The following FYB1 variants were observed in gnomAD, a reference collection of about 807,000 sequenced individuals.
FYB1 encodes FYN binding protein 1.
A neutral mutation model predicts 94.1 loss-of-function variants in FYB1; 41 were observed. The ratio of observed to expected loss-of-function variants is 0.44; its 90% confidence interval spans 0.34 to 0.57. FYB1 has a LOEUF of 0.57. Ranked by LOEUF, FYB1 falls within the 20% of genes least tolerant of loss-of-function variation. The pLI is 0.02. For synonymous variants in FYB1, 367 were observed against 353.2 expected, an observed-to-expected ratio of 1.04 and a Z score of -0.44; for missense variants, 1,050 against 976.8, an observed-to-expected ratio of 1.07 and a Z score of -1.00.
chr5:39,221,029 C>T (rs530174712), upstream of FYB1, among the ~76,000 whole-genome samples: 11 of 152,298 alleles, frequency 7.2e-5, no homozygotes, highest in African/African-American at 2.6e-4. Flanking sequence ...GATGCTTATT[C>T]TATCCTAAGA....
chr5:39,166,625 TA>T (rs1376539624), intron 2 of FYB1, among the ~76,000 whole-genome samples: 2 of 151,948 alleles, frequency 1.3e-5, no homozygotes, highest in Admixed American at 6.6e-5. Flanking sequence ...TACTCAGCCA[TA>T]AAAAAATAAA....
chr5:39,114,049 T>A (rs568273961), intron 16 of FYB1, among the ~76,000 whole-genome samples: 1 of 152,016 alleles, frequency 6.6e-6, no homozygotes, highest in East Asian at 1.9e-4. Flanking sequence ...GAAAAAAAAA[T>A]TATGTAAGTT....
intron 2 of FYB1, among the ~76,000 whole-genome samples, chr5:39,181,093 A>T (rs2150423436): frequency 6.6e-6 from 1 of 152,172 alleles, no homozygotes; most frequent in South Asian, 2.1e-4. Flanking sequence ...CTTTTATGGA[A>T]CTCATGATAC....
intron 16 of FYB1, among the ~76,000 whole-genome samples, chr5:39,116,808 G>A (rs1739608425): frequency 6.7e-6 from 1 of 149,436 alleles, no homozygotes; most frequent in South Asian, 2.1e-4. Flanking sequence ...AGAATGTCAT[G>A]CCATTTTTAT....
intron 11 of FYB1, 62 bp downstream of exon 11, chr5:39,127,679 C>A: frequency 6.8e-7 from 1 of 1,477,366 alleles, no homozygotes. Flanking sequence ...AACTGGAAAT[C>A]AAAACTAAAT....
chr5:39,169,670 CT>C (rs1745071377), intron 2 of FYB1: 7 of 442,762 alleles, frequency 1.6e-5, no homozygotes, highest in Non-Finnish European at 3.1e-5. Context: ...CATGGTGAAA[CT>C]CTGTCTCTAT....
At chr5:39,187,697 T>C (rs1213307324) in intron 2 of FYB1, among the ~76,000 whole-genome samples, 2 of 152,214 alleles carry the variant, frequency 1.3e-5, no homozygotes, top group Non-Finnish European at 2.9e-5. Flanking sequence ...TGGGCAGGAC[T>C]GTGGGCTCCA....
At chr5:39,124,872 G>A (rs1335823719) in intron 12 of FYB1, among the ~76,000 whole-genome samples, 1 of 150,338 alleles carries the variant, frequency 6.7e-6, no homozygotes, top group African/African-American at 2.5e-5. Flanking sequence ...AACAGAAGAA[G>A]ACCCATGCTT....
rs192960646 is a variant in FYB1 at position 39,210,198 on chromosome 5, C to T, written c.-27-7211G>A. On this transcript the variant is annotated intron_variant, in intron 1 of 18. Coordinates refer to ENST00000512982, the MANE Select transcript of FYB1 (RefSeq NM_001465.6). ...AGGTGGAGGTGGAACTGCAACAACC[C>T]CAGCGATGCCCTGTCTGCTATGGCC... 1.7e-3 allele frequency among the ~76,000 whole-genome samples: 260 copies of T among 152,218 alleles called. 2 individuals are homozygous for T. The highest frequency in any genetic ancestry group is 0.014 in the Middle Eastern group (4 of 294).
chr5:39,258,114 G>A (rs1158061065), intron 1 of FYB1, among the ~76,000 whole-genome samples: 1 of 152,156 alleles, frequency 6.6e-6, no homozygotes, highest in Non-Finnish European at 1.5e-5. Flanking sequence ...TTGATGTGCT[G>A]GTTTGGGAGC....
At chr5:39,235,353 C>T (rs181744497) in intron 1 of FYB1, among the ~76,000 whole-genome samples, 23 of 151,636 alleles carry the variant, frequency 1.5e-4, no homozygotes, top group African/African-American at 5.6e-4. Flanking sequence ...ACATTTTTAC[C>T]CTTTGGGCTT....
intron 2 of FYB1, among the ~76,000 whole-genome samples, chr5:39,188,420 T>A (rs1002983247): frequency 6.6e-6 from 1 of 152,098 alleles, no homozygotes; most frequent in African/African-American, 2.4e-5. Flanking sequence ...AAGAAAAATA[T>A]CTATGGCTTA....
At chr5:39,274,109 G>A (rs190932838) in intron 1 of FYB1, among the ~76,000 whole-genome samples, 1 of 152,080 alleles carries the variant, frequency 6.6e-6, no homozygotes, top group South Asian at 2.1e-4. Flanking sequence ...ATTTTCAGTA[G>A]AGATGGGGTT....
Position 39,202,863 on chromosome 5 carries a change from T to C in FYB1, c.98A>G (p.Gln33Arg). The change falls in exon 2 of 19, where the codon CAA becomes CGA. Residue 33 changes from glutamine to arginine, a missense_variant. Gln to Arg is a conservative substitution (Grantham distance 43, BLOSUM62 1). Coordinates refer to ENST00000512982, the MANE Select transcript of FYB1 (RefSeq NM_001465.6). ...VTGPNSSSGI[Q>R]ARKNLFNNQG... ...GTTGTTGAATAAGTTCTTTCTTGCT[T>C]GTATTCCTGAAGATGAGTTTGGCCC... 6.2e-7 allele frequency: 1 copy of C among 1,613,994 alleles called. No homozygotes were observed. Among genetic ancestry groups the C allele is most frequent in the East Asian group, 2.2e-5 (1 of 44,874 alleles).
rs756893427 is a variant in FYB1 at position 39,202,203 on chromosome 5, T to C, written c.758A>G (p.Glu253Gly). The C allele has an allele frequency of 6.2e-7, 1 of 1,614,052 alleles. No individual in the cohort carries two copies. Among genetic ancestry groups the C allele is most frequent in the East Asian group, 2.2e-5 (1 of 44,884 alleles). The change falls in exon 2 of 19, where the codon GAG becomes GGG. Residue 253 changes from glutamate to glycine, a missense_variant. Transcript: ENST00000512982. The stretch of plus-strand genomic sequence containing the variant: ...TCCAGGAAAGGGCAAACTTGAAATC[T>C]CCCCTGCATGGTCTTTATTTTCTGA... Reference protein sequence around the residue: ...EDSENKDHAGEISSLPFPGVV... With the variant: ...EDSENKDHAGGISSLPFPGVV...
intron 1 of FYB1, among the ~76,000 whole-genome samples, chr5:39,207,641 T>G (rs1748977469): frequency 1.3e-5 from 2 of 152,236 alleles, no homozygotes; most frequent in Admixed American, 1.3e-4. Context: ...ATAGTTTCAT[T>G]TGGAAAACTA....
intron 1 of FYB1, among the ~76,000 whole-genome samples, chr5:39,258,422 A>T (rs139152297): frequency 1.3e-4 from 20 of 152,284 alleles, no homozygotes; most frequent in African/African-American, 4.1e-4. Context: ...CAACATGGTG[A>T]AACCCCATCT....
At chr5:39,238,664 C>G (rs574615352) in intron 1 of FYB1, among the ~76,000 whole-genome samples, 8 of 152,180 alleles carry the variant, frequency 5.3e-5, no homozygotes, top group Admixed American at 3.3e-4. Flanking sequence ...TGCATACAAT[C>G]TCTACAACAG....
chr5:39,249,951 G>T (rs1269441910), intron 1 of FYB1, among the ~76,000 whole-genome samples: 1 of 152,104 alleles, frequency 6.6e-6, no homozygotes, highest in African/African-American at 2.4e-5. Context: ...TTGGATCATG[G>T]GGGTGGTTTC....
Sources: allele counts gnomAD v4.1 joint callset (sites outside exome capture counted in the v4.1 genomes callset), GRCh38; gene constraint gnomAD v4.1.1; transcripts MANE v1.5; gene names NCBI Gene and HGNC (gene_info 2026-07-23, HGNC 2026-07-21).